Variants in TMC6 observed in about 807,000 individuals in gnomAD.
The protein encoded by TMC6 is transmembrane channel like 6.
A neutral mutation model predicts 95.4 loss-of-function variants in TMC6; 71 were observed. The observed-to-expected ratio is 0.74, with a 90% CI of 0.61 to 0.91. The LOEUF is 0.91. Ranked by LOEUF, TMC6 falls within the 40% of genes least tolerant of loss-of-function variation. The pLI is 0.00. For synonymous variants in TMC6, 514 were observed against 483.1 expected (o/e 1.06, Z -0.84); for missense variants, 1,074 against 1,079.1 (o/e 1.00, Z 0.07).
intron 1 of TMC6, among the ~76,000 whole-genome samples, chr17:78,127,218 GC>G (rs1477746631): frequency 1.3e-5 from 2 of 152,160 alleles, no homozygotes; most frequent in Non-Finnish European, 2.9e-5. Context: ...TGTAGACACA[GC>G]CCCTTTCAGG....
chr17:78,126,755 C>A, intron 2 of TMC6, 22 bp downstream of exon 2: 2 of 1,612,276 alleles, frequency 1.2e-6, no homozygotes, highest in Middle Eastern at 1.7e-4. Context: ...CAGCCTCCAG[C>A]CCCCAGCCCC....
At chr17:78,115,316 C>T (rs1286341935) in intron 18 of TMC6, among the ~76,000 whole-genome samples, 2 of 152,234 alleles carry the variant, frequency 1.3e-5, no homozygotes, top group Non-Finnish European at 2.9e-5. Context: ...CGCTGATCCC[C>T]ACAAGCGCCC....
intron 19 of TMC6, 152 bp downstream of exon 19, chr17:78,113,396 A>G (rs777129570): frequency 1.3e-4 from 157 of 1,198,840 alleles, no homozygotes; most frequent in Non-Finnish European, 1.7e-4. Flanking sequence ...AGAGAGAGTG[A>G]AGGTGGGCGC....
intron 18 of TMC6, among the ~76,000 whole-genome samples, chr17:78,114,645 G>A (rs1455195555): frequency 2.0e-5 from 3 of 150,762 alleles, no homozygotes; most frequent in Non-Finnish European, 4.4e-5. Context: ...AGAGCCACAC[G>A]GATTGGCTCT....
In TMC6 at chr17:78,126,549, C is replaced by T. The variant is rs201282273; in HGVS notation, c.156G>A (p.Leu52=). The T allele has an allele frequency of 5.3e-4, 858 of 1,613,712 alleles. 12 individuals are homozygous for T. The South Asian group carries it at 8.8e-3, about 17-fold the overall frequency. ...CTGTCACCTCCCGCTCTCTCTGCTG[C>T]AGCTCCAGCCCCTCCTGGGCCGTGC... ...SQCTAQEGLE[L]QQREREVTGS... Residue 52 remains leucine, a synonymous_variant, in exon 3 of 20, where the codon CTG becomes CTA. Coordinates refer to ENST00000590602, the MANE Select transcript of TMC6 (RefSeq NM_001127198.5).
intron 2 of TMC6, 28 bp downstream of exon 2, chr17:78,126,749 C>G (rs904619715): frequency 6.2e-7 from 1 of 1,612,578 alleles, no homozygotes; most frequent in Non-Finnish European, 8.5e-7. Context: ...ACATTCCAGC[C>G]TCCAGCCCCC....
chr17:78,131,719 T>G (rs1416488031), upstream of TMC6: 5 of 1,584,904 alleles, frequency 3.2e-6, no homozygotes, highest in South Asian at 5.7e-5. Context: ...TATGCCATGA[T>G]GGACAAGCGC....
At chr17:78,125,693 C>T in intron 5 of TMC6, 33 bp downstream of exon 5, 1 of 1,553,034 alleles carries the variant, frequency 6.4e-7, no homozygotes. Flanking sequence ...AGGCCGGTGT[C>T]CGCCACTGGG....
rs773712440 is a variant in TMC6, at chr17:78,122,079, G to A, written c.1228-368C>T. Among the ~76,000 whole-genome samples the A allele has an allele frequency of 1.4e-4, 22 of 152,158 alleles. No homozygotes were observed. Among genetic ancestry groups the A allele is most frequent in the Non-Finnish European group, 2.5e-4 (17 of 68,026 alleles). ...CCAGTGACCAGAAGCCCCCCTACACGGAATGGCTCATGACAGGTCACAGCT... is the reference window on the plus strand; with the variant it reads ...CCAGTGACCAGAAGCCCCCCTACACAGAATGGCTCATGACAGGTCACAGCT... On this transcript the variant is annotated intron_variant, in intron 10 of 19. Transcript: ENST00000590602. This position sits in a 1 kb window ranked among gnomAD's most constrained non-coding sequence, Gnocchi z 4.9.
chr17:78,116,799 G>A (rs541820251), intron 18 of TMC6, among the ~76,000 whole-genome samples: 13 of 152,286 alleles, frequency 8.5e-5, no homozygotes, highest in African/African-American at 2.9e-4. Flanking sequence ...ACAGTTGCTT[G>A]AACCCAGGAG....
intron 18 of TMC6, 108 bp from the exon 19 acceptor site, chr17:78,113,732 T>A (rs1027096417): frequency 8.8e-7 from 1 of 1,132,250 alleles, no homozygotes; most frequent in African/African-American, 1.5e-5. Flanking sequence ...GTATTCAACA[T>A]CGCAAGCAGC....
At position 78,111,847 on chromosome 17, in the gene TMC6, CT is replaced by C; in HGVS notation, c.*1300del. The C allele has an allele frequency of 4.7e-6, 1 of 212,972 alleles. No homozygotes were observed. Among genetic ancestry groups the C allele is most frequent in the Non-Finnish European group, 9.7e-6 (1 of 102,748 alleles). 13.2% of individuals were successfully genotyped at this position (212,972 alleles called of 1,614,324 possible). ...GCGCAGCTCCTGCAGGCCTGGAGCC[CT>C]GGGCTGTGACAGGCTGGTCCCCACA... On this transcript the variant is annotated 3_prime_UTR_variant, in exon 20 of 20. Transcript: ENST00000590602.
intron 18 of TMC6, among the ~76,000 whole-genome samples, chr17:78,115,553 G>GA (rs1265592617): frequency 6.6e-6 from 1 of 152,188 alleles, no homozygotes; most frequent in African/African-American, 2.4e-5. Flanking sequence ...AGCCCGGGGG[G>GA]AAAGTGCCTT....
Position 78,128,740 on chromosome 17 carries a change from G to A in TMC6, c.-203C>T, listed in dbSNP as rs938010192. On this transcript the variant is annotated 5_prime_UTR_variant, in exon 1 of 20. Transcript: ENST00000590602. This position sits in a 1 kb window ranked among gnomAD's most constrained non-coding sequence, Gnocchi z 4.0. ...TGGCAAAGGGCCCCAGGGGCGACTG[G>A]GCCAGTCGCAGGTCTGCCGGGGCCG... 6.7e-6 allele frequency: 1 copy of A among 149,394 alleles called. No homozygotes were observed. Among genetic ancestry groups the A allele is most frequent in the Non-Finnish European group, 1.5e-5 (1 of 67,176 alleles). 9.3% of individuals were successfully genotyped at this position (149,394 alleles called of 1,614,324 possible). A position where few individuals can be genotyped will look rare whatever the true frequency, so the allele number is the denominator to read the frequency against.
In TMC6 at chr17:78,122,986, C is replaced by T. The variant is rs764015035; in HGVS notation, c.1083-237G>A. On this transcript the variant is annotated intron_variant, in intron 9 of 19. Transcript: ENST00000590602. The surrounding 1 kb of genome is among the most constrained non-coding windows in gnomAD (Gnocchi z 4.9). ...AGAAGAGGGGGCAGGGCTGCATTCACCGCGGACTTGGCTGGCTGCCTCCCA... is the reference window on the plus strand; with the variant it reads ...AGAAGAGGGGGCAGGGCTGCATTCATCGCGGACTTGGCTGGCTGCCTCCCA... 8 of 614,464 alleles carry T rather than the reference C, an allele frequency of 1.3e-5. No individual in the cohort carries two copies. The highest frequency in any genetic ancestry group is 5.5e-5 in the Admixed American group (2 of 36,352). 38.1% of individuals were successfully genotyped at this position (614,464 alleles called of 1,614,324 possible). A position where few individuals can be genotyped will look rare whatever the true frequency, so the allele number is the denominator to read the frequency against.
Position 78,119,708 on chromosome 17 carries a change from C to T in TMC6, c.1716-316G>A, listed in dbSNP as rs375876974. On this transcript the variant is annotated intron_variant, in intron 13 of 19. Transcript: ENST00000590602. ...GGAGCACAGTGACGCAATCGTGGCT[C>T]ACTGCAGCCTTGACCTCCTGGGATC... 48 of 430,886 alleles carry T rather than the reference C, an allele frequency of 1.1e-4. No individual in the cohort carries two copies. The East Asian group carries it at 2.5e-3, about 22-fold the overall frequency. 26.7% of individuals were successfully genotyped at this position (430,886 alleles called of 1,614,324 possible). A position where few individuals can be genotyped will look rare whatever the true frequency, so the allele number is the denominator to read the frequency against.
rs765493335 is a variant in TMC6, at chr17:78,117,844, G to GTT, written c.1978_1979insAA (p.Ala660GlufsTer17). ...GAGGAAGACAGCGGCGCCCAGGAAG[G>GTT]CGGGGAAGCAGAGCAGCGTGAGGAA... On this transcript the variant is annotated frameshift_variant, in exon 16 of 20. Coordinates refer to ENST00000590602, the MANE Select transcript of TMC6 (RefSeq NM_001127198.5). LOFTEE classifies it high-confidence loss of function. The GTT allele has an allele frequency of 3.7e-6, 6 of 1,608,216 alleles. No homozygotes were observed. The African/African-American group carries it at 6.7e-5, about 18-fold the overall frequency.
intron 18 of TMC6, 130 bp downstream of exon 18, chr17:78,117,139 C>T: frequency 1.1e-6 from 1 of 930,510 alleles, no homozygotes; most frequent in Non-Finnish European, 1.7e-6. Flanking sequence ...TGATCAGGGT[C>T]ACTTGTTTGG....
At position 78,113,425 on chromosome 17, in the gene TMC6, A is replaced by G; in HGVS notation, c.2354+123T>C. 3.1e-6 allele frequency: 4 copies of G among 1,307,378 alleles called. 1 individual carries two copies. The South Asian group carries it at 4.9e-5, about 16-fold the overall frequency. 81.0% of individuals were successfully genotyped at this position (1,307,378 alleles called of 1,614,324 possible). A position where few individuals can be genotyped will look rare whatever the true frequency, so the allele number is the denominator to read the frequency against. On this transcript the variant is annotated intron_variant, in intron 19 of 19. Coordinates refer to ENST00000590602, the MANE Select transcript of TMC6 (RefSeq NM_001127198.5). ...TGGGCGCCGGGGGGGAGATTTTTGT[A>G]GGTCAAAAGCGGTCAAGTGTCAGCA...
Sources: gnomAD v4.1 joint callset for allele counts (sites outside exome capture counted in the v4.1 genomes callset) on GRCh38, gnomAD v4.1.1 for gene constraint, Gnocchi (gnomAD v3.1) non-coding constraint, MANE v1.5 for transcripts, NCBI Gene and HGNC (gene_info 2026-07-23, HGNC 2026-07-21) for gene names.